The following CLSPN variants were observed in gnomAD, a reference collection of about 807,000 sequenced individuals.
CLSPN encodes claspin homolog.
In CLSPN, 85 loss-of-function variants were observed where a neutral mutation model predicts 156.3. The ratio of observed to expected loss-of-function variants is 0.54; its 90% CI spans 0.46 to 0.65. CLSPN has a LOEUF of 0.65. Ranked by LOEUF, CLSPN falls within the 30% of genes least tolerant of loss-of-function variation. The pLI, the probability that CLSPN is intolerant of heterozygous loss-of-function variation, is 0.00. For synonymous variants in CLSPN, 534 were observed against 542.4 expected, an observed-to-expected ratio of 0.98 and a Z score of 0.22; for missense variants, 1,407 against 1,554.9, an observed-to-expected ratio of 0.90 and a Z score of 1.60.
intron 8 of CLSPN, among the ~76,000 whole-genome samples, chr1:35,759,829 CTTTTTTTTTT>C (rs530890885): frequency 3.9e-5 from 5 of 128,270 alleles, no homozygotes; most frequent in East Asian, 2.1e-4. Flanking sequence ...TATCAACAAC[CTTTTTTTTTT>C]TTTTTTTTTT....
chr1:35,745,005 G>A (rs1442268713), intron 16 of CLSPN, among the ~76,000 whole-genome samples: 3 of 152,106 alleles, frequency 2.0e-5, no homozygotes, highest in Admixed American at 2.0e-4. Context: ...TAGAGACGGG[G>A]TTTCACCATG....
chr1:35,764,574 A>T lies in CLSPN; in HGVS notation c.274T>A (p.Leu92Ile). 6.2e-7 allele frequency: 1 copy of T among 1,613,892 alleles called. No homozygotes were observed. The highest frequency in any genetic ancestry group is 8.5e-7 in the Non-Finnish European group (1 of 1,179,968). The change falls in exon 3 of 25, where the codon TTA (leucine) becomes ATA (isoleucine). Residue 92 changes from leucine to isoleucine, a missense_variant. By Grantham distance (5) the Leu-to-Ile change is conservative. Coordinates refer to ENST00000318121, the MANE Select transcript of CLSPN (RefSeq NM_022111.4). ...DSAEEENKEN[L>I]YAGKNTKIKR... The stretch of plus-strand genomic sequence containing the variant: ...ATTTTTGTATTTTTCCCAGCATATA[A>T]ATTCTCTTTATTTTCCTCCTCGGCA...
chr1:35,740,858 A>G (rs1641665782), intron 18 of CLSPN, among the ~76,000 whole-genome samples: 1 of 152,198 alleles, frequency 6.6e-6, no homozygotes, highest in African/African-American at 2.4e-5. Flanking sequence ...GTCATTCTTT[A>G]AAAGATTTTA....
At chr1:35,743,651 T>A in intron 16 of CLSPN, 121 bp from the exon 17 acceptor site, 1 of 681,444 alleles carries the variant, frequency 1.5e-6, no homozygotes, top group Non-Finnish European at 2.5e-6. Context: ...TCTGAGACAG[T>A]CTTGGTCTCT....
chr1:35,760,608 T>C lies in CLSPN; in HGVS notation c.1313A>G (p.Asn438Ser). The change falls in exon 8 of 25, where the codon AAT becomes AGT. Residue 438 changes from asparagine (N) to serine (S), a missense_variant. Coordinates refer to ENST00000318121, the MANE Select transcript of CLSPN (RefSeq NM_022111.4). The stretch of plus-strand genomic sequence containing the variant: ...TCCAACCTGACATTCCTCACTGTGA[T>C]TGTTCCCGAGGAAGTTGGATTCCTG... ...LQQESNFLGN[N>S]HSEECQVGGL... The C allele has an allele frequency of 6.2e-7, 1 of 1,614,220 alleles. No individual in the cohort carries two copies. Among genetic ancestry groups the C allele is most frequent in the Non-Finnish European group, 8.5e-7 (1 of 1,180,042 alleles).
chr1:35,763,438 C>A, intron 3 of CLSPN, 117 bp from the exon 4 acceptor site: 1 of 656,820 alleles, frequency 1.5e-6, no homozygotes. Flanking sequence ...AACAGACAAG[C>A]ATATAAAATC....
At chr1:35,757,488 G>C (rs1335802681) in intron 8 of CLSPN, among the ~76,000 whole-genome samples, 1 of 152,154 alleles carries the variant, frequency 6.6e-6, no homozygotes. Context: ...CCACTGTGTA[G>C]GTCCCTTTAT....
Position 35,735,226 on chromosome 1 carries a change from C to T in CLSPN, c.*1270G>A, listed in dbSNP as rs369967460. 3.5e-5 allele frequency: 34 copies of T among 985,444 alleles called. 1 individual carries two copies. The East Asian group carries it at 1.6e-3, about 46-fold the overall frequency. The allele number at this position is 985,444 out of a possible 1,614,324, so 61.0% of individuals were successfully genotyped here. The stretch of plus-strand genomic sequence containing the variant: ...ACAAACACTGGGTGTAACACTTTAT[C>T]TTCATCCCCAAGCCCCAGAAAATTA... On this transcript the variant is annotated 3_prime_UTR_variant, in exon 25 of 25. Transcript: ENST00000318121.
chr1:35,740,421 CTTTTTT>C (rs11339039), intron 18 of CLSPN, among the ~76,000 whole-genome samples: 5 of 142,306 alleles, frequency 3.5e-5, no homozygotes, highest in African/African-American at 1.0e-4. Context: ...TGTATTTTCT[CTTTTTT>C]TTTTTTTTTG....
chr1:35,767,951 C>G (rs1031922192), intron 1 of CLSPN, among the ~76,000 whole-genome samples: 3 of 152,104 alleles, frequency 2.0e-5, no homozygotes, highest in African/African-American at 7.2e-5. Flanking sequence ...TTAAAGCTAA[C>G]CCTAGATGCC....
At chr1:35,769,247 G>A (rs1426346336) in intron 1 of CLSPN, among the ~76,000 whole-genome samples, 1 of 152,174 alleles carries the variant, frequency 6.6e-6, no homozygotes, top group Non-Finnish European at 1.5e-5. Context: ...GGCCCAGAAA[G>A]GACACAGCTC....
intron 23 of CLSPN, 83 bp from the exon 24 acceptor site, chr1:35,737,158 G>A (rs1641503830): frequency 7.1e-7 from 1 of 1,403,520 alleles, no homozygotes; most frequent in African/African-American, 1.4e-5. Context: ...CTTCCCCCTA[G>A]ATATTGAGGG....
At chr1:35,726,593 A>C (rs1201628406) in intron 24 of CLSPN, among the ~76,000 whole-genome samples, 1 of 152,224 alleles carries the variant, frequency 6.6e-6, no homozygotes, top group Non-Finnish European at 1.5e-5. Flanking sequence ...ACATCATCAT[A>C]ATAAATAAAA....
At chr1:35,730,567 T>TAA (rs56320150), downstream of CLSPN, among the ~76,000 whole-genome samples, 168 of 61,982 alleles carry the variant, frequency 2.7e-3, 1 homozygote, top group African/African-American at 8.1e-3. Context: ...GAATCCATAT[T>TAA]AAAAAAAAAA....
rs373423975 is a variant in CLSPN, at chr1:35,749,504, T to C, written c.2235A>G (p.Glu745=). 5.8e-5 allele frequency: 94 copies of C among 1,614,042 alleles called. No homozygotes were observed. The highest frequency in any genetic ancestry group is 8.0e-5 in the Non-Finnish European group (94 of 1,180,014). Residue 745 remains glutamate, a synonymous_variant, in exon 12 of 25, where the codon GAA becomes GAG. Coordinates refer to ENST00000318121, the MANE Select transcript of CLSPN (RefSeq NM_022111.4). ...GCTGCTTGCCTGAGTTTTCATCTGT[T>C]TCTGATTTTTCTTCAGTAGGAAAGT... The part of the protein sequence containing the change: ...MGYFPTEEKS[E]TDENSGKQPS...
Position 35,760,609 on chromosome 1 carries a change from T to C in CLSPN, c.1312A>G (p.Asn438Asp), listed in dbSNP as rs767928081. The C allele has an allele frequency of 4.3e-6, 7 of 1,614,106 alleles. No individual in the cohort carries two copies. The change falls in exon 8 of 25, where the codon AAT becomes GAT. Residue 438 changes from asparagine to aspartate, a missense_variant. Asn to Asp is a conservative substitution (Grantham distance 23, BLOSUM62 1). Coordinates refer to ENST00000318121, the MANE Select transcript of CLSPN (RefSeq NM_022111.4). The stretch of plus-strand genomic sequence containing the variant: ...CCAACCTGACATTCCTCACTGTGAT[T>C]GTTCCCGAGGAAGTTGGATTCCTGT... ...LQQESNFLGN[N>D]HSEECQVGGL...
At position 35,732,394 on chromosome 1, in the gene CLSPN, T is replaced by C. The variant is rs1272787543; in HGVS notation, c.*4102A>G. On this transcript the variant is annotated 3_prime_UTR_variant, in exon 25 of 25. Transcript: ENST00000318121. ...CTCCCAGCCTGAGCATTAGAAACTC[T>C]CAAAGTGAGGAGAAGTTTGTAGAGA... 22 of 985,186 alleles carry C rather than the reference T, an allele frequency of 2.2e-5. No homozygotes were observed. Among genetic ancestry groups the C allele is most frequent in the Non-Finnish European group, 2.7e-5 (22 of 829,906 alleles). 61.0% of individuals were successfully genotyped at this position (985,186 alleles called of 1,614,324 possible).
chr1:35,737,926 G>A (rs975406103), intron 22 of CLSPN, 66 bp downstream of exon 22: 19 of 866,734 alleles, frequency 2.2e-5, no homozygotes, highest in Middle Eastern at 4.7e-4. Flanking sequence ...GAAGGTTAGA[G>A]TCACCTCCAA....
At position 35,738,494 on chromosome 1, in the gene CLSPN, C is replaced by CCTCCACCTGGCTTCTGA; in HGVS notation, c.3502_3518dup (p.Arg1173SerfsTer41). ...ACTGCTCTCGTTCAATTCGCTCCTT[C>CCTCCACCTGGCTTCTGA]CTCCACCTGGCTTCTGACTCATCAA... On this transcript the variant is annotated frameshift_variant, in exon 21 of 25. Coordinates refer to ENST00000318121, the MANE Select transcript of CLSPN (RefSeq NM_022111.4). LOFTEE classifies it high-confidence loss of function. The CCTCCACCTGGCTTCTGA allele has an allele frequency of 6.2e-7, 1 of 1,613,986 alleles. No homozygotes were observed. Among genetic ancestry groups the CCTCCACCTGGCTTCTGA allele is most frequent in the Non-Finnish European group, 8.5e-7 (1 of 1,179,924 alleles).
Sources: allele counts gnomAD v4.1 joint callset (sites outside exome capture counted in the v4.1 genomes callset), GRCh38; gene constraint gnomAD v4.1.1; transcripts MANE v1.5; gene names NCBI Gene and HGNC (gene_info 2026-07-23, HGNC 2026-07-21).